Variants in ARHGAP35 observed in about 807,000 individuals in gnomAD.
The protein encoded by ARHGAP35 is Rho GTPase activating protein 35, also known as rho GTPase-activating protein 35.
In ARHGAP35, 15 loss-of-function variants were observed where a neutral mutation model predicts 111.1. That is an observed-to-expected ratio of 0.13 (90% confidence interval 0.09 to 0.21). ARHGAP35 has a LOEUF of 0.21. ARHGAP35 is among the 10% of genes least tolerant of loss of function. ARHGAP35 has a pLI of 1.00. For missense variants in ARHGAP35, 1,262 were observed against 1,873.0 expected (o/e 0.67, Z 6.02); for synonymous variants, 643 against 710.3 (o/e 0.91, Z 1.51).
rs1417597834 is a variant in ARHGAP35, at chr19:46,954,715, AAAAC to A, written c.3826+17316_3826+17319del. Among the ~76,000 whole-genome samples, 18 of 152,372 alleles carry A rather than the reference AAAAC, an allele frequency of 1.2e-4. No individual in the cohort carries two copies. The South Asian group carries it at 2.9e-3, about 25-fold the overall frequency. ...TTCGTAGCCTCCCAACAGTTTTTAA[AAAAC>A]AAACAAACTCACACAATTTATCTTT... is the stretch of plus-strand genomic sequence containing the variant. On this transcript the variant is annotated intron_variant, in intron 3 of 6. Coordinates refer to ENST00000672722, the MANE Select transcript of ARHGAP35 (RefSeq NM_004491.5).
intron 1 of ARHGAP35, among the ~76,000 whole-genome samples, chr19:46,884,935 C>T (rs548203749): frequency 1.1e-4 from 17 of 152,262 alleles, no homozygotes; most frequent in African/African-American, 4.1e-4. Flanking sequence ...CCAGGCTGGT[C>T]TCAAACCCCT....
At chr19:46,880,599 T>C (rs2055956334) in intron 1 of ARHGAP35, among the ~76,000 whole-genome samples, 1 of 152,228 alleles carries the variant, frequency 6.6e-6, no homozygotes, top group Non-Finnish European at 1.5e-5. Context: ...AGGGTTAGAA[T>C]CAACTTCTTC....
intron 1 of ARHGAP35, among the ~76,000 whole-genome samples, chr19:46,912,675 A>G (rs1194926308): frequency 2.6e-5 from 4 of 151,908 alleles, no homozygotes; most frequent in African/African-American, 9.7e-5. Context: ...TCTTATTGAA[A>G]CTTTTATATC....
intron 1 of ARHGAP35, among the ~76,000 whole-genome samples, chr19:46,906,553 T>C (rs1217796446): frequency 1.3e-5 from 2 of 152,216 alleles, no homozygotes; most frequent in South Asian, 2.1e-4. Context: ...TATGTACGAT[T>C]TGAACAACTA....
chr19:46,860,997 G>A lies in ARHGAP35; in HGVS notation c.-401G>A, dbSNP rs1410969708. On this transcript the variant is annotated 5_prime_UTR_variant, in exon 1 of 7. Coordinates refer to ENST00000672722, the MANE Select transcript of ARHGAP35 (RefSeq NM_004491.5). ...TCCCCCCTTCCCCTCCCCGCCCCCCGCCCCGAGGGAGAGCCGCGGCGCGGC... is the reference window on the plus strand; with the variant it reads ...TCCCCCCTTCCCCTCCCCGCCCCCCACCCCGAGGGAGAGCCGCGGCGCGGC... Among the ~76,000 whole-genome samples the A allele has an allele frequency of 8.0e-6, 1 of 125,200 alleles. No homozygotes were observed. The highest frequency in any genetic ancestry group is 1.8e-5 in the Non-Finnish European group (1 of 56,374). 82.1% of individuals were successfully genotyped at this position (125,200 alleles called of 152,430 possible).
chr19:46,900,844 C>A (rs2056080621), intron 1 of ARHGAP35, among the ~76,000 whole-genome samples: 1 of 152,198 alleles, frequency 6.6e-6, no homozygotes, highest in Non-Finnish European at 1.5e-5. Flanking sequence ...CCCCAGATGC[C>A]CAGATTCTTA....
At position 46,934,791 on chromosome 19, in the gene ARHGAP35, T is replaced by G. The variant is rs140751050; in HGVS notation, c.3682-2473T>G. ...CTCAGGCGATCCTCCCACCTCAGCT[T>G]CCCAGGTATCTGGGACTATAGGTGT... On this transcript the variant is annotated intron_variant, in intron 2 of 6. Transcript: ENST00000672722. 3.1e-3 allele frequency among the ~76,000 whole-genome samples: 468 copies of G among 152,218 alleles called. 2 individuals carry two copies. Among genetic ancestry groups the G allele is most frequent in the African/African-American group, 0.01 (425 of 41,516 alleles).
chr19:46,871,466 C>T (rs1282774332), intron 1 of ARHGAP35, among the ~76,000 whole-genome samples: 3 of 152,032 alleles, frequency 2.0e-5, no homozygotes, highest in Non-Finnish European at 2.9e-5. Flanking sequence ...CCTCAGCCTC[C>T]CCAGTAGCTG....
chr19:46,995,308 G>A (rs914564430), intron 5 of ARHGAP35, among the ~76,000 whole-genome samples: 1 of 152,218 alleles, frequency 6.6e-6, no homozygotes, highest in Non-Finnish European at 1.5e-5. Flanking sequence ...GGCTGAGGCA[G>A]GAGAATTGCT....
chr19:46,890,547 CA>C (rs1048786374), intron 1 of ARHGAP35, among the ~76,000 whole-genome samples: 1 of 152,120 alleles, frequency 6.6e-6, no homozygotes, highest in African/African-American at 2.4e-5. Context: ...GTGTCATGGC[CA>C]AAGTCATAGA....
rs367695407 is a variant in ARHGAP35 at position 46,974,615 on chromosome 19, A to G, written c.3827-13374A>G. Reference sequence around the variant, plus strand: ...AGCACCTCGATGTGTTTACCAACCCAGAAGCTCTACAGACCCTGTCACTGA... The same window carrying G: ...AGCACCTCGATGTGTTTACCAACCCGGAAGCTCTACAGACCCTGTCACTGA... On this transcript the variant is annotated intron_variant, in intron 3 of 6. Transcript: ENST00000672722. Among the ~76,000 whole-genome samples, 33 of 152,258 alleles carry G rather than the reference A, an allele frequency of 2.2e-4. 1 individual carries two copies. The South Asian group carries it at 6.9e-3, about 32-fold the overall frequency.
intron 1 of ARHGAP35, among the ~76,000 whole-genome samples, chr19:46,882,834 ACT>A (rs1446295797): frequency 8.6e-5 from 13 of 151,328 alleles, no homozygotes; most frequent in African/African-American, 3.2e-4. Context: ...ACATGAACTC[ACT>A]CTTTTTTATG....
intron 1 of ARHGAP35, among the ~76,000 whole-genome samples, chr19:46,879,362 G>A (rs2055945090): frequency 6.6e-6 from 1 of 151,940 alleles, no homozygotes; most frequent in Non-Finnish European, 1.5e-5. Context: ...GCCAAGGCAG[G>A]CAGATCACGA....
In ARHGAP35 at chr19:46,986,902, C is replaced by T. The variant is rs182317475; in HGVS notation, c.3827-1087C>T. Among the ~76,000 whole-genome samples the T allele has an allele frequency of 6.6e-6, 1 of 152,236 alleles. No homozygotes were observed. The highest frequency in any genetic ancestry group is 1.5e-5 in the Non-Finnish European group (1 of 68,040). ...GGAGTGCAGTGGCACGATCTTGGCT[C>T]ACCACAACCTCCACCTCCTGGGTTC... On this transcript the variant is annotated intron_variant, in intron 3 of 6. Coordinates refer to ENST00000672722, the MANE Select transcript of ARHGAP35 (RefSeq NM_004491.5). This position sits in a 1 kb window ranked among gnomAD's most constrained non-coding sequence, Gnocchi z 4.3.
At chr19:46,961,568 A>G (rs1229549228) in intron 3 of ARHGAP35, among the ~76,000 whole-genome samples, 1 of 152,156 alleles carries the variant, frequency 6.6e-6, no homozygotes, top group African/African-American at 2.4e-5. Flanking sequence ...GCCAGAAATA[A>G]AAGAATGTAT....
At chr19:46,980,194 G>T (rs1038316139) in intron 3 of ARHGAP35, among the ~76,000 whole-genome samples, 1 of 152,104 alleles carries the variant, frequency 6.6e-6, no homozygotes, top group Non-Finnish European at 1.5e-5. Context: ...AGACCAGCCT[G>T]GCCAACATGG....
At chr19:46,887,727 C>T (rs751855244) in intron 1 of ARHGAP35, among the ~76,000 whole-genome samples, 31 of 152,220 alleles carry the variant, frequency 2.0e-4, no homozygotes, top group Non-Finnish European at 2.8e-4. Context: ...CACTTCTCAT[C>T]GGGGTATTCT....
intron 1 of ARHGAP35, among the ~76,000 whole-genome samples, chr19:46,861,584 C>T (rs2055827970): frequency 6.6e-6 from 1 of 151,730 alleles, no homozygotes; most frequent in African/African-American, 2.4e-5. Flanking sequence ...ATGCCCTTCG[C>T]TCCTCCCGGG....
intron 1 of ARHGAP35, among the ~76,000 whole-genome samples, chr19:46,882,984 A>G (rs1482988470): frequency 3.9e-5 from 6 of 152,178 alleles, no homozygotes; most frequent in African/African-American, 1.4e-4. Flanking sequence ...GGCTTTTGAC[A>G]TGCTTTCTTC....
Sources: allele counts gnomAD v4.1 joint callset (sites outside exome capture counted in the v4.1 genomes callset), GRCh38; gene constraint gnomAD v4.1.1; non-coding constraint Gnocchi (gnomAD v3.1); transcripts MANE v1.5; gene names NCBI Gene and HGNC (gene_info 2026-07-23, HGNC 2026-07-21).